Variants in SUMF2 observed in about 807,000 individuals in gnomAD.
SUMF2 encodes the protein inactive C-alpha-formylglycine-generating enzyme 2.
Under a neutral mutation model 44.8 loss-of-function variants are expected in SUMF2, and 45 were observed. The observed-to-expected ratio is 1.00, with a 90% CI of 0.79 to 1.29. The LOEUF (loss-of-function observed/expected upper bound fraction) is 1.29. Ranked by LOEUF, SUMF2 falls within the 50% of genes most tolerant of loss-of-function variation. The pLI is 0.00. For synonymous variants in SUMF2, 148 were observed against 150.4 expected (o/e 0.98, Z 0.12); for missense variants, 418 against 389.9 (o/e 1.07, Z -0.61).
At chr7:56,084,320 A>G (rs1796156602), downstream of SUMF2, 3 of 828,764 alleles carry the variant, frequency 3.6e-6, no homozygotes, top group Non-Finnish European at 5.9e-6. Flanking sequence ...GGGACTATGA[A>G]CCACTGGCCC....
chr7:56,066,082 CA>C (rs71015176), intron 1 of SUMF2, among the ~76,000 whole-genome samples: 10,923 of 69,356 alleles, frequency 0.16, 136 homozygotes, highest in South Asian at 0.24. Context: ...CTCCGCCTCA[CA>C]AAAAAAAAAA....
chr7:56,064,628 C>G lies in SUMF2; in HGVS notation c.67+250C>G, dbSNP rs138998943. ...GTGGCTCGAGCCTGTAATCCCAGCACTTTGGGAGGCCGAGGCGGGTGGATC... is the reference window on the plus strand; with the variant it reads ...GTGGCTCGAGCCTGTAATCCCAGCAGTTTGGGAGGCCGAGGCGGGTGGATC... On this transcript the variant is annotated intron_variant, in intron 1 of 8. Transcript: ENST00000434526. 3.2e-4 allele frequency among the ~76,000 whole-genome samples: 48 copies of G among 151,810 alleles called. 2 individuals are homozygous for G. The highest frequency in any genetic ancestry group is 1.1e-3 in the African/African-American group (46 of 41,412).
At chr7:56,084,199 C>T, downstream of SUMF2, 1 of 1,534,918 alleles carries the variant, frequency 6.5e-7, no homozygotes, top group Non-Finnish European at 8.7e-7. Context: ...AGTCCCAGCC[C>T]AAGCACCATT....
chr7:56,081,758 GT>G, downstream of SUMF2: 1 of 1,613,024 alleles, frequency 6.2e-7, no homozygotes, highest in Non-Finnish European at 8.5e-7. The surrounding 1 kb of genome is among the most constrained non-coding windows in gnomAD (Gnocchi z 4.6). Context: ...CGGGAGACCT[GT>G]GAGAGGAGGA....
At chr7:56,076,581 G>A (rs144395927) in intron 5 of SUMF2, 300 of 389,240 alleles carry the variant, frequency 7.7e-4, no homozygotes, top group African/African-American at 5.4e-3. Context: ...GATAACAGAT[G>A]CTTTATAAAC....
downstream of SUMF2, chr7:56,083,542 C>G: frequency 6.6e-7 from 1 of 1,521,028 alleles, no homozygotes; most frequent in Non-Finnish European, 9.1e-7. Context: ...GGGAGCAGCA[C>G]ACACGCCCAG....
In SUMF2 at chr7:56,079,705, C is replaced by T; in HGVS notation, c.*93C>T. 1 of 1,611,588 alleles carries T rather than the reference C, an allele frequency of 6.2e-7. No individual in the cohort carries two copies. Among genetic ancestry groups the T allele is most frequent in the Non-Finnish European group, 8.5e-7 (1 of 1,178,792 alleles). On this transcript the variant is annotated 3_prime_UTR_variant, in exon 9 of 9. Coordinates refer to ENST00000434526, the MANE Select transcript of SUMF2 (RefSeq NM_015411.4). ...AGCGCAATTCCAAGCTCGAGAGCTT[C>T]AGCCTCAGGAAAGAACTTCCCCTTC...
chr7:56,076,984 G>T, intron 6 of SUMF2, 95 bp downstream of exon 6: 1 of 1,189,022 alleles, frequency 8.4e-7, no homozygotes. Context: ...GAAGGCTTGG[G>T]TTCTAATGCA....
downstream of SUMF2, chr7:56,083,472 C>T: frequency 6.2e-7 from 1 of 1,612,120 alleles, no homozygotes; most frequent in Non-Finnish European, 8.5e-7. Flanking sequence ...GTTACTCTTC[C>T]TCTGCTCAGG....
chr7:56,067,981 A>C (rs901530495), intron 1 of SUMF2, among the ~76,000 whole-genome samples: 8 of 151,100 alleles, frequency 5.3e-5, no homozygotes, highest in Non-Finnish European at 8.8e-5. Context: ...GCAGAACAAG[A>C]ATGTGAAGCC....
At chr7:56,078,249 A>C (rs1795705894) in intron 7 of SUMF2, 63 bp downstream of exon 7, 1 of 1,576,638 alleles carries the variant, frequency 6.3e-7, no homozygotes, top group East Asian at 2.3e-5. Context: ...ATCATGTCTG[A>C]GAGAGGAGGC....
At chr7:56,087,568 C>T in the SUMF2 span, 1 of 1,598,578 alleles carries the variant, frequency 6.3e-7, no homozygotes, top group African/African-American at 1.3e-5. Context: ...AGGGGGGCAC[C>T]CTGCCGTGTG....
downstream of SUMF2, chr7:56,082,103 C>T: frequency 1.2e-6 from 2 of 1,610,984 alleles, no homozygotes; most frequent in Non-Finnish European, 1.7e-6. Context: ...CGGCCCAGCC[C>T]TGCCTACTTC....
At chr7:56,076,776 T>C (rs1201431195) in intron 5 of SUMF2, 58 bp from the exon 6 acceptor site, 1 of 1,486,576 alleles carries the variant, frequency 6.7e-7, no homozygotes, top group Non-Finnish European at 9.2e-7. Flanking sequence ...TGTGTTCTTT[T>C]TTCCTTCCCT....
chr7:56,069,047 A>G (rs1795000138), intron 2 of SUMF2, among the ~76,000 whole-genome samples: 2 of 152,080 alleles, frequency 1.3e-5, no homozygotes, highest in Non-Finnish European at 2.9e-5. Flanking sequence ...TAACTTGTTC[A>G]CTGTCACGTG....
the SUMF2 span, chr7:56,087,900 G>C: frequency 1.4e-6 from 1 of 726,700 alleles, no homozygotes; most frequent in African/African-American, 1.8e-5. Flanking sequence ...AACTTCCTCT[G>C]AGCTTTTGGA....
At chr7:56,079,497 G>C in intron 8 of SUMF2, 31 bp from the exon 9 acceptor site, 2 of 1,595,880 alleles carry the variant, frequency 1.3e-6, no homozygotes, top group South Asian at 2.2e-5. Context: ...CTCAGGACGT[G>C]TCTGTCCTCT....
At chr7:56,076,770 T>C (rs1795579787) in intron 5 of SUMF2, 64 bp from the exon 6 acceptor site, 6 of 1,452,158 alleles carry the variant, frequency 4.1e-6, no homozygotes, top group Non-Finnish European at 5.7e-6. Flanking sequence ...TCTTTCTGTG[T>C]TCTTTTTTCC....
chr7:56,074,685 C>G lies in SUMF2; in HGVS notation c.484C>G (p.Arg162Gly). The G allele has an allele frequency of 1.2e-6, 2 of 1,614,126 alleles. No individual in the cohort carries two copies. Among genetic ancestry groups the G allele is most frequent in the Non-Finnish European group, 1.7e-6 (2 of 1,180,038 alleles). The part of the protein sequence containing the change: ...ARAYCAWRGK[R>G]LPTEEEWEFA... ...TGCCTACTGTGCTTGGCGGGGAAAA[C>G]GACTGCCCACGGAGGAAGAGTGGGA... is the stretch of plus-strand genomic sequence containing the variant. Residue 162 changes from arginine (R) to glycine (G), a missense_variant, in exon 5 of 9, where the codon CGA becomes GGA. Transcript: ENST00000434526.
Sources: gnomAD v4.1 joint callset for allele counts (sites outside exome capture counted in the v4.1 genomes callset) on GRCh38, gnomAD v4.1.1 for gene constraint, Gnocchi (gnomAD v3.1) non-coding constraint, MANE v1.5 for transcripts, NCBI Gene and HGNC (gene_info 2026-07-23, HGNC 2026-07-21) for gene names.